The following RAB6B variants were observed in gnomAD, a reference collection of about 807,000 sequenced individuals.
RAB6B encodes ras-related protein Rab-6B.
RAB6B carries 7 observed loss-of-function variants against 31.2 expected under a neutral mutation model. That is an observed-to-expected ratio of 0.22 (90% CI 0.13 to 0.42). RAB6B has a LOEUF of 0.42. Among genes scored for constraint, RAB6B ranks in the 10% least tolerant of loss-of-function variants. The pLI, the probability that RAB6B is intolerant of heterozygous loss-of-function variation, is 1.00. For synonymous variants in RAB6B, 105 were observed against 104.9 expected, an observed-to-expected ratio of 1.00 and a Z score of -0.01; for missense variants, 149 against 280.6, an observed-to-expected ratio of 0.53 and a Z score of 3.35.
chr3:133,844,424 G>A (rs774527947), intron 2 of RAB6B, among the ~76,000 whole-genome samples: 14 of 152,188 alleles, frequency 9.2e-5, no homozygotes, highest in African/African-American at 7.2e-5. Context: ...CCAGGCCACT[G>A]AGCCACTGAA....
At chr3:133,869,095 G>A (rs189760810) in intron 1 of RAB6B, among the ~76,000 whole-genome samples, 179 of 152,266 alleles carry the variant, frequency 1.2e-3, no homozygotes, top group African/African-American at 4.2e-3. Flanking sequence ...CCACGGGACT[G>A]GGAAAGGCTG....
chr3:133,872,751 A>C (rs540058267), intron 1 of RAB6B, among the ~76,000 whole-genome samples: 1 of 152,170 alleles, frequency 6.6e-6, no homozygotes, highest in Non-Finnish European at 1.5e-5. Flanking sequence ...CCCATTTCAA[A>C]CCATCCCCCA....
intron 1 of RAB6B, chr3:133,885,409 C>A: frequency 1.4e-6 from 1 of 697,460 alleles, no homozygotes; most frequent in Non-Finnish European, 2.6e-6. Flanking sequence ...GCTGCTCACA[C>A]ACTAATGATC....
intron 1 of RAB6B, among the ~76,000 whole-genome samples, chr3:133,889,094 C>G (rs1936593737): frequency 6.6e-6 from 1 of 152,132 alleles, no homozygotes; most frequent in Non-Finnish European, 1.5e-5. Context: ...TGCTGTTCTA[C>G]CTAGCCTTCT....
intron 2 of RAB6B, 39 bp from the exon 3 acceptor site, chr3:133,841,702 T>G: frequency 1.9e-6 from 3 of 1,608,944 alleles, no homozygotes; most frequent in Non-Finnish European, 2.5e-6. Flanking sequence ...AATCAAAAGG[T>G]CTCATGCAAA....
chr3:133,871,785 A>G (rs1167184083), intron 1 of RAB6B, among the ~76,000 whole-genome samples: 3 of 152,244 alleles, frequency 2.0e-5, no homozygotes, highest in African/African-American at 7.2e-5. Flanking sequence ...CAGAAGGTGT[A>G]CCACCCACTA....
chr3:133,830,536 TC>T (rs1273177463), intron 7 of RAB6B, among the ~76,000 whole-genome samples: 1 of 152,086 alleles, frequency 6.6e-6, no homozygotes, highest in African/African-American at 2.4e-5. Context: ...GAAGTGATGC[TC>T]CCTCCCCCAC....
At chr3:133,834,395 C>T (rs1479537454) in intron 7 of RAB6B, among the ~76,000 whole-genome samples, 180 bp downstream of exon 7, 13 of 152,300 alleles carry the variant, frequency 8.5e-5, no homozygotes, top group South Asian at 4.2e-4. Context: ...TAGAGCCAGA[C>T]GGGGGCTCCA....
intron 1 of RAB6B, among the ~76,000 whole-genome samples, chr3:133,889,054 C>T (rs1936593044): frequency 6.6e-6 from 1 of 152,122 alleles, no homozygotes; most frequent in South Asian, 2.1e-4. Flanking sequence ...TCAGCTTTCC[C>T]GGTAGTCCAC....
At chr3:133,868,087 T>G (rs1936262127) in intron 1 of RAB6B, among the ~76,000 whole-genome samples, 1 of 152,262 alleles carries the variant, frequency 6.6e-6, no homozygotes, top group South Asian at 2.1e-4. Context: ...CTTGTCCATT[T>G]CTGCCCAGCC....
intron 1 of RAB6B, among the ~76,000 whole-genome samples, chr3:133,886,641 C>T (rs1936551770): frequency 6.6e-6 from 1 of 152,108 alleles, no homozygotes. Context: ...CAGACCTTCG[C>T]TTTCTTTATA....
intron 1 of RAB6B, among the ~76,000 whole-genome samples, chr3:133,875,741 T>C (rs1008756413): frequency 6.6e-6 from 1 of 152,166 alleles, no homozygotes; most frequent in Non-Finnish European, 1.5e-5. Flanking sequence ...CTCAGGGCAC[T>C]AGGGACAATC....
At chr3:133,830,006 T>C (rs1935633113) in intron 7 of RAB6B, among the ~76,000 whole-genome samples, 1 of 152,218 alleles carries the variant, frequency 6.6e-6, no homozygotes, top group Admixed American at 6.5e-5. Context: ...AATGAGTAAA[T>C]AGATACTAAG....
At chr3:133,844,330 G>A (rs549944768) in intron 2 of RAB6B, among the ~76,000 whole-genome samples, 17 of 152,268 alleles carry the variant, frequency 1.1e-4, no homozygotes, top group African/African-American at 3.6e-4. Context: ...CTTAATTCCT[G>A]CTTCCAGCTT....
At chr3:133,854,688 T>A (rs1430218976) in intron 2 of RAB6B, among the ~76,000 whole-genome samples, 3 of 152,244 alleles carry the variant, frequency 2.0e-5, no homozygotes, top group Non-Finnish European at 4.4e-5. Context: ...GAATCCACAT[T>A]TATCTTCTTC....
chr3:133,895,570 G>A lies in RAB6B; in HGVS notation c.-104C>T. 8.5e-7 allele frequency: 1 copy of A among 1,171,122 alleles called. No homozygotes were observed. 72.5% of individuals were successfully genotyped at this position (1,171,122 alleles called of 1,614,324 possible). Reference sequence around the variant, plus strand: ...GAGGCGGCCGGCGGTGCGGGAGCCGGAGGGGGAAGGGCTGGCTGCGCGCGT... The same window carrying A: ...GAGGCGGCCGGCGGTGCGGGAGCCGAAGGGGGAAGGGCTGGCTGCGCGCGT... On this transcript the variant is annotated 5_prime_UTR_variant, in exon 1 of 8. Coordinates refer to ENST00000285208, the MANE Select transcript of RAB6B (RefSeq NM_016577.4).
At chr3:133,861,865 A>G (rs373041019) in intron 2 of RAB6B, among the ~76,000 whole-genome samples, 17 of 152,232 alleles carry the variant, frequency 1.1e-4, no homozygotes, top group African/African-American at 2.2e-4. Flanking sequence ...GGATGTCTGA[A>G]GGGGTGGTGG....
intron 1 of RAB6B, among the ~76,000 whole-genome samples, chr3:133,884,789 C>T (rs1936517011): frequency 6.6e-6 from 1 of 151,376 alleles, no homozygotes; most frequent in Non-Finnish European, 1.5e-5. Context: ...GGGGGCCCCA[C>T]ATATCCCAGT....
intron 1 of RAB6B, among the ~76,000 whole-genome samples, chr3:133,877,310 A>G (rs1936410073): frequency 6.6e-6 from 1 of 152,240 alleles, no homozygotes; most frequent in South Asian, 2.1e-4. Context: ...CAGCAAATGT[A>G]TATGAGGAAA....
Sources: allele counts gnomAD v4.1 joint callset (sites outside exome capture counted in the v4.1 genomes callset), GRCh38; gene constraint gnomAD v4.1.1; transcripts MANE v1.5; gene names NCBI Gene and HGNC (gene_info 2026-07-23, HGNC 2026-07-21).